KRABD5: variants seen among roughly 807,000 people sequenced by gnomAD.
KRABD5 encodes the protein KRAB domain-containing protein 5.
the KRABD5 span, among the ~76,000 whole-genome samples, chr16:31,746,219 C>CT: frequency 6.6e-6 from 1 of 152,016 alleles, no homozygotes; most frequent in Non-Finnish European, 1.5e-5. Flanking sequence ...TGTCATTAGT[C>CT]TTTATGTTTT....
the KRABD5 span, chr16:31,758,318 G>C: frequency 6.6e-6 from 1 of 152,036 alleles, no homozygotes; most frequent in Non-Finnish European, 1.5e-5. Flanking sequence ...GAATAAAAGA[G>C]ATTAAATAAG....
the KRABD5 span, among the ~76,000 whole-genome samples, chr16:31,751,602 G>A: frequency 6.6e-6 from 1 of 152,042 alleles, no homozygotes; most frequent in Non-Finnish European, 1.5e-5. Flanking sequence ...TATACCTGTG[G>A]GATCGATTGC....
the KRABD5 span, among the ~76,000 whole-genome samples, chr16:31,715,568 T>G: frequency 6.6e-6 from 1 of 152,176 alleles, no homozygotes; most frequent in African/African-American, 2.4e-5. Context: ...TTGTATAAAA[T>G]TAATGAACTT....
At chr16:31,715,618 G>C in the KRABD5 span, among the ~76,000 whole-genome samples, 1 of 152,204 alleles carries the variant, frequency 6.6e-6, no homozygotes, top group Non-Finnish European at 1.5e-5. Flanking sequence ...ACAGGCAGTA[G>C]CTCAGAAGTA....
chr16:31,734,706 C>T, the KRABD5 span, among the ~76,000 whole-genome samples: 1 of 151,876 alleles, frequency 6.6e-6, no homozygotes, highest in South Asian at 2.1e-4. Flanking sequence ...CTCTGGTAAC[C>T]ACTGTTATAC....
the KRABD5 span, chr16:31,722,649 G>A: frequency 6.2e-7 from 1 of 1,613,244 alleles, no homozygotes; most frequent in East Asian, 2.2e-5. Flanking sequence ...TCAGGGATGT[G>A]GCCATAGAAT....
chr16:31,727,605 C>T, the KRABD5 span, among the ~76,000 whole-genome samples: 3 of 152,184 alleles, frequency 2.0e-5, no homozygotes, highest in Non-Finnish European at 2.9e-5. Flanking sequence ...ATGTGTGATA[C>T]AATTCACCCA....
chr16:31,723,685 A>T, the KRABD5 span, among the ~76,000 whole-genome samples: 4 of 152,158 alleles, frequency 2.6e-5, no homozygotes, highest in African/African-American at 9.7e-5. Context: ...TTCTACCTCT[A>T]TGTGAAACCA....
the KRABD5 span, chr16:31,722,755 G>A: frequency 1.3e-6 from 2 of 1,582,890 alleles, no homozygotes; most frequent in Non-Finnish European, 1.7e-6. Flanking sequence ...CTCTCTGGGT[G>A]AGGATAACTT....
the KRABD5 span, chr16:31,713,309 C>A: frequency 3.0e-6 from 4 of 1,351,626 alleles, no homozygotes; most frequent in South Asian, 1.3e-5. Flanking sequence ...GGCTCCCAGT[C>A]CTTCCATCTG....
At chr16:31,757,846 GTAGGTAGATAGA>G in the KRABD5 span, 36 of 96,088 alleles carry the variant, frequency 3.7e-4, no homozygotes, top group African/African-American at 1.1e-3. Context: ...AGGTAGGTAG[GTAGGTAGATAGA>G]TAGATAGATA....
the KRABD5 span, chr16:31,733,563 C>T: frequency 2.2e-6 from 1 of 456,242 alleles, no homozygotes; most frequent in South Asian, 1.5e-5. Context: ...ACACTTCTCT[C>T]CAGCTCCTGA....
chr16:31,743,374 A>C, the KRABD5 span, among the ~76,000 whole-genome samples: 2 of 152,228 alleles, frequency 1.3e-5, 1 homozygote, highest in Non-Finnish European at 2.9e-5. Context: ...TTTATTAAAT[A>C]GGGAATCCTT....
At chr16:31,728,246 T>C in the KRABD5 span, among the ~76,000 whole-genome samples, 1 of 152,192 alleles carries the variant, frequency 6.6e-6, no homozygotes, top group Admixed American at 6.5e-5. Flanking sequence ...AAAACTCAAT[T>C]CAGTTTCTTT....
At chr16:31,754,084 T>C in the KRABD5 span, 1 of 755,552 alleles carries the variant, frequency 1.3e-6, no homozygotes, top group African/African-American at 1.7e-5. Context: ...AAACTTACCT[T>C]TTCTTTTAAA....
the KRABD5 span, chr16:31,756,288 CAT>C: frequency 6.6e-6 from 1 of 151,922 alleles, no homozygotes; most frequent in Non-Finnish European, 1.5e-5. Flanking sequence ...TATGTGTAAA[CAT>C]ATAGTACATA....
the KRABD5 span, among the ~76,000 whole-genome samples, chr16:31,725,446 G>T: frequency 1.1e-3 from 166 of 152,292 alleles, no homozygotes; most frequent in Non-Finnish European, 2.1e-3. Context: ...TATATACTTA[G>T]AAGTGGAATT....
the KRABD5 span, among the ~76,000 whole-genome samples, chr16:31,727,067 CTT>C: frequency 1.3e-5 from 2 of 152,112 alleles, no homozygotes; most frequent in African/African-American, 4.8e-5. Context: ...GTTTGCTTAA[CTT>C]TTTTTCTCAG....
the KRABD5 span, among the ~76,000 whole-genome samples, chr16:31,752,939 T>C: frequency 6.6e-6 from 1 of 152,240 alleles, no homozygotes; most frequent in Non-Finnish European, 1.5e-5. Flanking sequence ...GATATTAATA[T>C]GTTAGTTAAT....
Sources: allele counts gnomAD v4.1 joint callset (sites outside exome capture counted in the v4.1 genomes callset), GRCh38; gene constraint gnomAD v4.1.1; transcripts MANE v1.5; gene names NCBI Gene and HGNC (gene_info 2026-07-23, HGNC 2026-07-21).